The following ASTN2 variants were observed in gnomAD, a reference collection of about 807,000 sequenced individuals.
The protein encoded by ASTN2 is astrotactin-2.
Under a neutral mutation model 139.8 loss-of-function variants are expected in ASTN2, and 54 were observed. The observed-to-expected ratio is 0.39, with a 90% confidence interval of 0.31 to 0.48. The LOEUF is 0.48. ASTN2 is among the 20% of genes least tolerant of loss of function. ASTN2 has a pLI of 0.95. For synonymous variants in ASTN2, 756 were observed against 719.5 expected, an observed-to-expected ratio of 1.05 and a Z score of -0.81; for missense variants, 1,565 against 1,725.1, an observed-to-expected ratio of 0.91 and a Z score of 1.64.
At chr9:116,731,178 GTAATAATAA>G (rs68099311) in intron 14 of ASTN2, among the ~76,000 whole-genome samples, 41,081 of 139,956 alleles carry the variant, frequency 0.29, 6,890 homozygotes, top group Non-Finnish European at 0.39. Context: ...ATTTTTCCTG[GTAATAATAA>G]TAATAATAAT....
chr9:116,838,266 C>A (rs565817776), intron 11 of ASTN2, among the ~76,000 whole-genome samples: 1 of 151,740 alleles, frequency 6.6e-6, no homozygotes, highest in African/African-American at 2.4e-5. Context: ...TGCACCAACA[C>A]GCCTGGCTAA....
chr9:116,753,351 G>A (rs2132157088), intron 13 of ASTN2, among the ~76,000 whole-genome samples: 1 of 152,312 alleles, frequency 6.6e-6, no homozygotes, highest in Non-Finnish European at 1.5e-5. Flanking sequence ...AGTTCAGGGA[G>A]AGAGGCAGAG....
intron 20 of ASTN2, among the ~76,000 whole-genome samples, chr9:116,477,011 C>G (rs1206421399): frequency 6.6e-6 from 1 of 152,144 alleles, no homozygotes; most frequent in Non-Finnish European, 1.5e-5. Context: ...CAAGGCTTAG[C>G]CCTCCAGCGC....
chr9:117,208,627 T>A (rs893867678), intron 3 of ASTN2, among the ~76,000 whole-genome samples: 5 of 152,136 alleles, frequency 3.3e-5, no homozygotes, highest in African/African-American at 1.2e-4. Flanking sequence ...GAGATGGACA[T>A]CAAGGTCCAG....
chr9:116,936,380 A>G (rs915507880), intron 10 of ASTN2, among the ~76,000 whole-genome samples: 1 of 152,004 alleles, frequency 6.6e-6, no homozygotes, highest in African/African-American at 2.4e-5. Context: ...AACCCCAGGT[A>G]CTGCCAAACC....
chr9:116,728,675 G>C (rs1475505750), intron 15 of ASTN2, among the ~76,000 whole-genome samples: 2 of 152,096 alleles, frequency 1.3e-5, no homozygotes, highest in African/African-American at 4.8e-5. Flanking sequence ...ATATGACTTA[G>C]ATACTGTTTA....
chr9:117,264,801 C>G (rs1369235646), intron 2 of ASTN2, among the ~76,000 whole-genome samples: 1 of 152,144 alleles, frequency 6.6e-6, no homozygotes. Flanking sequence ...AAAATGGGAC[C>G]TGGTAGGTGG....
At chr9:116,520,814 A>C (rs1296034388) in intron 19 of ASTN2, among the ~76,000 whole-genome samples, 1 of 152,202 alleles carries the variant, frequency 6.6e-6, no homozygotes, top group Non-Finnish European at 1.5e-5. Context: ...TTCAGGATAG[A>C]AAATTAATGT....
intron 3 of ASTN2, among the ~76,000 whole-genome samples, chr9:117,213,385 C>T (rs1304122263): frequency 6.6e-6 from 1 of 152,036 alleles, no homozygotes; most frequent in African/African-American, 2.4e-5. Context: ...TTCTAGTGTC[C>T]TATACCACTT....
intron 13 of ASTN2, among the ~76,000 whole-genome samples, chr9:116,775,612 G>GGAAC (rs1759817006): frequency 9.2e-6 from 1 of 108,746 alleles, no homozygotes; most frequent in East Asian, 3.2e-4. Context: ...AGGGAAAGAA[G>GGAAC]GAAGGAAGGA....
At chr9:117,327,312 C>A (rs532103588) in intron 1 of ASTN2, among the ~76,000 whole-genome samples, 1 of 152,276 alleles carries the variant, frequency 6.6e-6, no homozygotes, top group South Asian at 2.1e-4. Flanking sequence ...TTTGAGGACA[C>A]CCTAATTACT....
At chr9:116,576,839 C>T (rs377706266) in intron 19 of ASTN2, among the ~76,000 whole-genome samples, 11 of 152,188 alleles carry the variant, frequency 7.2e-5, no homozygotes, top group African/African-American at 2.4e-4. Context: ...ACCATCTCTC[C>T]TTTGAAAACC....
intron 2 of ASTN2, among the ~76,000 whole-genome samples, chr9:117,280,860 A>G (rs1055470084): frequency 6.6e-6 from 1 of 152,108 alleles, no homozygotes; most frequent in African/African-American, 2.4e-5. Flanking sequence ...CAAATACCCT[A>G]TATCTTCTCA....
chr9:116,560,812 T>G (rs1008888128), intron 19 of ASTN2, among the ~76,000 whole-genome samples: 1 of 152,184 alleles, frequency 6.6e-6, no homozygotes, highest in African/African-American at 2.4e-5. Context: ...GTGCACAGAA[T>G]TTAAGTATCA....
intron 13 of ASTN2, among the ~76,000 whole-genome samples, chr9:116,782,911 G>A (rs1015235926): frequency 2.6e-5 from 4 of 152,116 alleles, no homozygotes; most frequent in African/African-American, 9.7e-5. Flanking sequence ...CACTGCACGG[G>A]TCAGTTTATC....
chr9:117,113,843 G>A (rs1010051413), intron 4 of ASTN2, among the ~76,000 whole-genome samples: 1 of 152,122 alleles, frequency 6.6e-6, no homozygotes, highest in Non-Finnish European at 1.5e-5. Context: ...GCAGATCTGT[G>A]GTTGTCTGAT....
chr9:116,765,179 T>A (rs1829776650), intron 13 of ASTN2, among the ~76,000 whole-genome samples: 1 of 152,116 alleles, frequency 6.6e-6, no homozygotes. Context: ...GAGAGCATCA[T>A]CCGATATGGC....
At chr9:116,589,992 A>G (rs1232933720) in intron 19 of ASTN2, among the ~76,000 whole-genome samples, 1 of 152,144 alleles carries the variant, frequency 6.6e-6, no homozygotes, top group Non-Finnish European at 1.5e-5. Context: ...ATGCATACTC[A>G]CTGAGGTGGT....
intron 13 of ASTN2, among the ~76,000 whole-genome samples, chr9:116,802,166 A>C (rs939578724): frequency 2.2e-4 from 32 of 146,050 alleles, no homozygotes; most frequent in Non-Finnish European, 3.9e-4. Context: ...GGCTCACTGC[A>C]AGCTCCGCCT....
Sources: allele counts gnomAD v4.1 joint callset (sites outside exome capture counted in the v4.1 genomes callset), GRCh38; gene constraint gnomAD v4.1.1; transcripts MANE v1.5; gene names NCBI Gene and HGNC (gene_info 2026-07-23, HGNC 2026-07-21).